Variants in NMNAT2 observed in about 807,000 individuals in gnomAD.
NMNAT2 encodes the protein nicotinamide nucleotide adenylyltransferase 2.
NMNAT2 carries 11 observed loss-of-function variants against 41.6 expected under a neutral mutation model. That is an observed-to-expected ratio of 0.26 (90% CI 0.17 to 0.44). The LOEUF is 0.44. Among genes scored for constraint, NMNAT2 ranks in the 20% least tolerant of loss-of-function variants. The pLI is 1.00. For missense variants in NMNAT2, 288 were observed against 407.7 expected (o/e 0.71, Z 2.53); for synonymous variants, 148 against 151.2 (o/e 0.98, Z 0.16).
At chr1:183,386,319 A>G (rs1648245788) in intron 1 of NMNAT2, among the ~76,000 whole-genome samples, 1 of 152,312 alleles carries the variant, frequency 6.6e-6, no homozygotes, top group African/African-American at 2.4e-5. Context: ...CTCAGGAAAG[A>G]CAGAGTTATC....
chr1:183,344,705 T>C (rs138781886), intron 1 of NMNAT2, among the ~76,000 whole-genome samples: 1 of 152,252 alleles, frequency 6.6e-6, no homozygotes, highest in East Asian at 1.9e-4. Context: ...ATAAATAAAG[T>C]CTGGAAACAC....
At chr1:183,355,214 ACTTCTGAGACT>A (rs1663158092) in intron 1 of NMNAT2, among the ~76,000 whole-genome samples, 1 of 152,016 alleles carries the variant, frequency 6.6e-6, no homozygotes, top group Admixed American at 6.5e-5. Flanking sequence ...CTCGGAGAGG[ACTTCTGAGACT>A]CTTCCAATCT....
At chr1:183,286,850 T>G in intron 4 of NMNAT2, 62 bp from the exon 5 acceptor site, 2 of 1,545,904 alleles carry the variant, frequency 1.3e-6, no homozygotes, top group Non-Finnish European at 1.8e-6. Flanking sequence ...CAAAGTTATC[T>G]CCAAGTGGTC....
rs570242531 is a variant in NMNAT2, at chr1:183,392,673, G to A, written c.85+25510C>T. 1.1e-3 allele frequency among the ~76,000 whole-genome samples: 162 copies of A among 152,232 alleles called. 2 individuals carry two copies. Among genetic ancestry groups the A allele is most frequent in the African/African-American group, 3.8e-3 (157 of 41,540 alleles). Reference sequence around the variant, plus strand: ...CCTCCGCTCCAAACATACTAGCCTTGTTGGCTTCTTGGACATGTGAGGGAA... The same window carrying A: ...CCTCCGCTCCAAACATACTAGCCTTATTGGCTTCTTGGACATGTGAGGGAA... On this transcript the variant is annotated intron_variant, in intron 1 of 10. Coordinates refer to ENST00000287713, the MANE Select transcript of NMNAT2 (RefSeq NM_015039.4).
chr1:183,285,450 G>T (rs1382218047), intron 5 of NMNAT2, among the ~76,000 whole-genome samples: 1 of 152,186 alleles, frequency 6.6e-6, no homozygotes, highest in Non-Finnish European at 1.5e-5. Context: ...ATTTGGCTGA[G>T]AGGGATCTGG....
chr1:183,320,773 GA>G (rs1421369209), intron 1 of NMNAT2, among the ~76,000 whole-genome samples: 1 of 152,146 alleles, frequency 6.6e-6, no homozygotes, highest in Non-Finnish European at 1.5e-5. Flanking sequence ...TCATTTTACA[GA>G]TAAAGAAACT....
intron 1 of NMNAT2, among the ~76,000 whole-genome samples, chr1:183,377,207 G>T (rs562309142): frequency 6.6e-6 from 1 of 152,138 alleles, no homozygotes; most frequent in Admixed American, 6.5e-5. Context: ...ATTATATCTG[G>T]AGAAGGGGTA....
intron 1 of NMNAT2, among the ~76,000 whole-genome samples, chr1:183,324,713 A>C (rs995761876): frequency 6.6e-6 from 1 of 152,056 alleles, no homozygotes; most frequent in African/African-American, 2.4e-5. Flanking sequence ...TTCTCAGATC[A>C]CTTTCCAAGT....
intron 5 of NMNAT2, among the ~76,000 whole-genome samples, chr1:183,285,473 C>T (rs1661377857): frequency 6.6e-6 from 1 of 152,164 alleles, no homozygotes; most frequent in African/African-American, 2.4e-5. Context: ...TTCAATTATC[C>T]CTCTGGGCTC....
chr1:183,283,157 T>C (rs1234941583), intron 7 of NMNAT2: 1 of 152,236 alleles, frequency 6.6e-6, no homozygotes, highest in Non-Finnish European at 1.5e-5. Flanking sequence ...CTTCCAGTCC[T>C]TGGACAGAAA....
intron 1 of NMNAT2, among the ~76,000 whole-genome samples, chr1:183,403,151 C>A (rs1648860934): frequency 6.6e-6 from 1 of 151,972 alleles, no homozygotes; most frequent in African/African-American, 2.4e-5. Context: ...CTAGGCTGGT[C>A]TCGTACTCCT....
At chr1:183,411,593 C>T (rs976037490) in intron 1 of NMNAT2, among the ~76,000 whole-genome samples, 40 of 152,154 alleles carry the variant, frequency 2.6e-4, no homozygotes, top group Admixed American at 2.0e-3. Context: ...CCTGAGCCAC[C>T]GCACCTGGCC....
chr1:183,318,685 G>A (rs571655724), intron 1 of NMNAT2, among the ~76,000 whole-genome samples: 166 of 152,230 alleles, frequency 1.1e-3, no homozygotes, highest in African/African-American at 3.7e-3. Context: ...CAGAGGCCAC[G>A]GGCTCCATCT....
At chr1:183,299,489 AT>A (rs1174683343) in intron 1 of NMNAT2, among the ~76,000 whole-genome samples, 1 of 152,152 alleles carries the variant, frequency 6.6e-6, no homozygotes, top group Non-Finnish European at 1.5e-5. Flanking sequence ...AAGTTTGCTT[AT>A]TGTATGATTT....
intron 10 of NMNAT2, among the ~76,000 whole-genome samples, chr1:183,259,276 G>T (rs1660597831): frequency 6.6e-6 from 1 of 152,176 alleles, no homozygotes; most frequent in Non-Finnish European, 1.5e-5. Flanking sequence ...ACCACATGCT[G>T]CCCCTCTCCG....
At chr1:183,339,084 G>T (rs1229175953) in intron 1 of NMNAT2, among the ~76,000 whole-genome samples, 2 of 151,928 alleles carry the variant, frequency 1.3e-5, no homozygotes, top group Non-Finnish European at 2.9e-5. Flanking sequence ...CAGTTCCTGA[G>T]ATCACAGTTT....
At chr1:183,407,337 T>G (rs1333014250) in intron 1 of NMNAT2, among the ~76,000 whole-genome samples, 1 of 152,212 alleles carries the variant, frequency 6.6e-6, no homozygotes, top group African/African-American at 2.4e-5. Context: ...ATCTTGATTT[T>G]GAAGTCCCTA....
Position 183,382,596 on chromosome 1 carries a change from G to T in NMNAT2, c.85+35587C>A, listed in dbSNP as rs143910080. Among the ~76,000 whole-genome samples, 185 of 152,292 alleles carry T rather than the reference G, an allele frequency of 1.2e-3. 1 individual carries two copies. The highest frequency in any genetic ancestry group is 4.4e-3 in the African/African-American group (182 of 41,566). ...TAGTTACTTCCAAGATACAATGAGG[G>T]TATAGGCATTGGGTAAATACATCCA... is the stretch of plus-strand genomic sequence containing the variant. On this transcript the variant is annotated intron_variant, in intron 1 of 10. Coordinates refer to ENST00000287713, the MANE Select transcript of NMNAT2 (RefSeq NM_015039.4).
chr1:183,319,918 T>C (rs1662325290), intron 1 of NMNAT2, among the ~76,000 whole-genome samples: 1 of 152,228 alleles, frequency 6.6e-6, no homozygotes, highest in South Asian at 2.1e-4. Flanking sequence ...CTCATTATGG[T>C]AGGAAAGTCA....
Sources: gnomAD v4.1 joint callset for allele counts (sites outside exome capture counted in the v4.1 genomes callset) on GRCh38, gnomAD v4.1.1 for gene constraint, MANE v1.5 for transcripts, NCBI Gene and HGNC (gene_info 2026-07-23, HGNC 2026-07-21) for gene names.